The following SPIRE1 variants were observed in gnomAD, a reference collection of about 807,000 sequenced individuals.
The protein encoded by SPIRE1 is protein spire homolog 1.
A neutral mutation model predicts 94.1 loss-of-function variants in SPIRE1; 40 were observed. The ratio of observed to expected loss-of-function variants is 0.43; its 90% CI spans 0.33 to 0.55. SPIRE1 has a LOEUF of 0.55. Ranked by LOEUF, SPIRE1 falls within the 20% of genes least tolerant of loss-of-function variation. The pLI, the probability that SPIRE1 is intolerant of heterozygous loss-of-function variation, is 0.06. For synonymous variants in SPIRE1, 376 were observed against 371.7 expected (o/e 1.01, Z -0.13); for missense variants, 838 against 975.2 (o/e 0.86, Z 1.87).
intron 6 of SPIRE1, among the ~76,000 whole-genome samples, chr18:12,505,265 C>T (rs571859756): frequency 2.2e-4 from 34 of 152,274 alleles, no homozygotes; most frequent in African/African-American, 6.3e-4. Context: ...GATATTTTGG[C>T]CAAGTGCCGT....
At chr18:12,504,469 T>G (rs987007163) in intron 6 of SPIRE1, among the ~76,000 whole-genome samples, 1 of 152,166 alleles carries the variant, frequency 6.6e-6, no homozygotes, top group African/African-American at 2.4e-5. Context: ...ATCACGCCAC[T>G]GCACTTCAGC....
At chr18:12,517,664 C>G (rs1298261190) in intron 4 of SPIRE1, among the ~76,000 whole-genome samples, 3 of 152,148 alleles carry the variant, frequency 2.0e-5, no homozygotes, top group Admixed American at 2.0e-4. Flanking sequence ...CATTCTCAAG[C>G]TGGCAATTAG....
At position 12,448,762 on chromosome 18, in the gene SPIRE1, C is replaced by G. The variant is rs1051066205; in HGVS notation, c.*876G>C. ...AAAACCCATGAGCTCCAGCTCATTT[C>G]TGCAGCGTGGCCAACAGCTGCCACT... is the stretch of plus-strand genomic sequence containing the variant. On this transcript the variant is annotated 3_prime_UTR_variant, in exon 17 of 17. Transcript: ENST00000409402. The surrounding 1 kb of genome is among the most constrained non-coding windows in gnomAD (Gnocchi z 4.4). The G allele has an allele frequency of 6.6e-6, 1 of 152,242 alleles. No individual in the cohort carries two copies. Among genetic ancestry groups the G allele is most frequent in the Non-Finnish European group, 1.5e-5 (1 of 68,052 alleles). The allele number at this position is 152,242 out of a possible 1,614,324, so 9.4% of individuals were successfully genotyped here. A position where few individuals can be genotyped will look rare whatever the true frequency, so the allele number is the denominator to read the frequency against.
upstream of SPIRE1, chr18:12,658,515 G>T (rs1032094403): frequency 1.7e-5 from 8 of 461,314 alleles, no homozygotes; most frequent in African/African-American, 4.0e-5. Context: ...AACTGGGCGC[G>T]CCAACCCGGG....
intron 9 of SPIRE1, among the ~76,000 whole-genome samples, chr18:12,484,598 G>A (rs1303349100): frequency 1.3e-5 from 2 of 152,164 alleles, no homozygotes; most frequent in African/African-American, 4.8e-5. Flanking sequence ...CGTAAGGTAT[G>A]CCAACAATTC....
chr18:12,554,818 C>G (rs2035453167), intron 2 of SPIRE1, among the ~76,000 whole-genome samples: 2 of 152,170 alleles, frequency 1.3e-5, no homozygotes, highest in African/African-American at 4.8e-5. Context: ...TTGCATAGAG[C>G]TGATAAATTT....
At chr18:12,621,995 A>G (rs11080590) in intron 2 of SPIRE1, among the ~76,000 whole-genome samples, 85,031 of 152,000 alleles carry the variant, frequency 0.56, 24,959 homozygotes, top group Middle Eastern at 0.76. Flanking sequence ...CACCAAATTG[A>G]GAGAATATGT....
intron 10 of SPIRE1, among the ~76,000 whole-genome samples, chr18:12,466,255 G>A (rs2032094687): frequency 1.3e-5 from 2 of 152,110 alleles, no homozygotes; most frequent in South Asian, 4.2e-4. Flanking sequence ...ACATTTACTT[G>A]TAATTTCTAC....
intron 8 of SPIRE1, among the ~76,000 whole-genome samples, chr18:12,488,962 G>T (rs2033137046): frequency 6.6e-6 from 1 of 152,090 alleles, no homozygotes; most frequent in Admixed American, 6.6e-5. Flanking sequence ...GAGACGGGTG[G>T]ATCATGAGGT....
intron 2 of SPIRE1, among the ~76,000 whole-genome samples, chr18:12,607,631 ACAC>A (rs2037021056): frequency 7.1e-6 from 1 of 140,532 alleles, no homozygotes; most frequent in African/African-American, 2.6e-5. Flanking sequence ...ACACACACAC[ACAC>A]ACACACAGTC....
In SPIRE1 at chr18:12,464,952, T is replaced by C. The variant is rs1295574292; in HGVS notation, c.1411A>G (p.Thr471Ala). The part of the protein sequence containing the change: ...ELDSSESEEE[T>A]LHKSTSSSSV... Reference sequence around the variant, plus strand: ...CTGCTGCTGGTCGACTTGTGCAGCGTTTCTTCCTGAGCAAAGTACAGGTGG... The same window carrying C: ...CTGCTGCTGGTCGACTTGTGCAGCGCTTCTTCCTGAGCAAAGTACAGGTGG... Residue 471 changes from threonine (T) to alanine (A), a missense_variant, in exon 11 of 17, where the codon ACG becomes GCG. Around this residue, in one of 2 missense-constraint regions of SPIRE1, gnomAD observed 645 missense variants for 804.7 expected, o/e 0.80. Coordinates refer to ENST00000409402, the MANE Select transcript of SPIRE1 (RefSeq NM_001128626.2). The C allele has an allele frequency of 4.3e-6, 7 of 1,613,908 alleles. No homozygotes were observed. In the South Asian group the frequency reaches 7.7e-5, roughly 18 times the overall value.
At position 12,574,226 on chromosome 18, in the gene SPIRE1, A is replaced by T. The variant is rs541102431; in HGVS notation, c.373-27322T>A. Among the ~76,000 whole-genome samples the T allele has an allele frequency of 5.9e-5, 9 of 151,474 alleles. No individual in the cohort carries two copies. In the East Asian group the frequency reaches 1.3e-3, roughly 23 times the overall value. ...TTTTCTGTAAACCTAAAACTGCTCT[A>T]AAAAAAGTATTAATTTTTAAAAAAA... On this transcript the variant is annotated intron_variant, in intron 2 of 16. Transcript: ENST00000409402.
intron 4 of SPIRE1, among the ~76,000 whole-genome samples, chr18:12,522,063 A>G (rs1029810464): frequency 2.0e-5 from 3 of 152,242 alleles, no homozygotes; most frequent in African/African-American, 7.2e-5. Flanking sequence ...CTTTAAATCA[A>G]AAGCGAGAAA....
intron 2 of SPIRE1, among the ~76,000 whole-genome samples, chr18:12,621,206 G>C (rs991295795): frequency 6.6e-6 from 1 of 152,140 alleles, no homozygotes; most frequent in African/African-American, 2.4e-5. Context: ...AGGATGCCCA[G>C]AATCAAGAAG....
intron 10 of SPIRE1, among the ~76,000 whole-genome samples, chr18:12,470,821 G>A (rs2143676062): frequency 6.6e-6 from 1 of 152,052 alleles, no homozygotes; most frequent in East Asian, 1.9e-4. Flanking sequence ...TTTTTTGTCT[G>A]ATCTCAGAGG....
Position 12,469,036 on chromosome 18 carries a change from C to A in SPIRE1, c.1405-4078G>T, listed in dbSNP as rs142846065. 4.6e-5 allele frequency among the ~76,000 whole-genome samples: 7 copies of A among 152,182 alleles called. No homozygotes were observed. The East Asian group carries it at 1.4e-3, about 29-fold the overall frequency. ...CTGTGTTCACACCACTGCCCTGTAGCCTGAGTGACAGAGCGAAACCCTGTC... is the reference window on the plus strand; with the variant it reads ...CTGTGTTCACACCACTGCCCTGTAGACTGAGTGACAGAGCGAAACCCTGTC... On this transcript the variant is annotated intron_variant, in intron 10 of 16. Coordinates refer to ENST00000409402, the MANE Select transcript of SPIRE1 (RefSeq NM_001128626.2).
intron 2 of SPIRE1, among the ~76,000 whole-genome samples, chr18:12,551,595 C>T (rs980206732): frequency 6.6e-6 from 1 of 151,888 alleles, no homozygotes; most frequent in Admixed American, 6.6e-5. Context: ...GTCCCAGCTA[C>T]TCAGGAGGCT....
chr18:12,593,188 T>C (rs1232731780), intron 2 of SPIRE1, among the ~76,000 whole-genome samples: 2 of 152,228 alleles, frequency 1.3e-5, no homozygotes, highest in East Asian at 1.9e-4. Context: ...AGGCTTAAAA[T>C]ATAAATTAAA....
chr18:12,620,344 ACAAT>A (rs1387691200), intron 2 of SPIRE1, among the ~76,000 whole-genome samples: 1 of 152,222 alleles, frequency 6.6e-6, no homozygotes, highest in African/African-American at 2.4e-5. Context: ...AATTCGTATG[ACAAT>A]CAAAGGACCT....
Sources: allele counts gnomAD v4.1 joint callset (sites outside exome capture counted in the v4.1 genomes callset), GRCh38; gene constraint gnomAD v4.1.1; regional missense constraint gnomAD v4.1.1; non-coding constraint Gnocchi (gnomAD v3.1); transcripts MANE v1.5; gene names NCBI Gene and HGNC (gene_info 2026-07-23, HGNC 2026-07-21).